IQCJ: variants seen among roughly 807,000 people sequenced by gnomAD.
The protein encoded by IQCJ is IQ domain-containing protein J.
Under a neutral mutation model 11.0 loss-of-function variants are expected in IQCJ, and 9 were observed. The observed-to-expected ratio is 0.82, with a 90% CI of 0.49 to 1.43. IQCJ has a LOEUF of 1.43. Among genes scored for constraint, IQCJ ranks in the 40% most tolerant of loss-of-function variants. The probability of loss-of-function intolerance (pLI) is 0.00; values close to 1 mark genes in which losing one functional copy is unlikely to be tolerated. For synonymous variants in IQCJ, 55 were observed against 51.3 expected, an observed-to-expected ratio of 1.07 and a Z score of -0.31; for missense variants, 146 against 133.2, an observed-to-expected ratio of 1.10 and a Z score of -0.47.
At chr3:159,157,260 C>G (rs947469707) in intron 1 of IQCJ, among the ~76,000 whole-genome samples, 1 of 152,196 alleles carries the variant, frequency 6.6e-6, no homozygotes, top group Non-Finnish European at 1.5e-5. Context: ...CATCTCCTCA[C>G]AAGTAATTGC....
At chr3:159,093,484 G>A (rs1163340424) in intron 1 of IQCJ, among the ~76,000 whole-genome samples, 1 of 151,734 alleles carries the variant, frequency 6.6e-6, no homozygotes, top group Non-Finnish European at 1.5e-5. Flanking sequence ...CCACTTTTGA[G>A]TGATGACCTC....
intron 1 of IQCJ, among the ~76,000 whole-genome samples, chr3:159,235,251 C>A (rs560537092): frequency 2.0e-5 from 3 of 152,254 alleles, no homozygotes; most frequent in Admixed American, 6.5e-5. Context: ...AGTTGTCCTG[C>A]TGTTAAGCTG....
intron 1 of IQCJ, among the ~76,000 whole-genome samples, chr3:159,122,788 C>T (rs546890618): frequency 1.5e-4 from 23 of 152,244 alleles, no homozygotes; most frequent in Admixed American, 6.5e-4. Context: ...ATTTGTCTTA[C>T]AGTCTTTGGG....
chr3:159,093,556 G>C (rs1021519041), intron 1 of IQCJ, among the ~76,000 whole-genome samples: 8 of 151,764 alleles, frequency 5.3e-5, no homozygotes, highest in African/African-American at 1.7e-4. Flanking sequence ...GAGCCTGGCA[G>C]GACAGGGTCT....
intron 1 of IQCJ, among the ~76,000 whole-genome samples, chr3:159,244,300 G>A (rs549604808): frequency 6.9e-4 from 105 of 152,274 alleles, no homozygotes; most frequent in African/African-American, 2.4e-3. Flanking sequence ...GCTGGGACTG[G>A]CAGCTGGCAT....
intron 1 of IQCJ, among the ~76,000 whole-genome samples, chr3:159,084,450 A>G (rs1716565767): frequency 6.6e-6 from 1 of 152,132 alleles, no homozygotes. Context: ...GAGCTTGCCC[A>G]GCGAGTGAGA....
At chr3:159,189,109 T>A (rs1233383765) in intron 1 of IQCJ, among the ~76,000 whole-genome samples, 2 of 152,096 alleles carry the variant, frequency 1.3e-5, no homozygotes, top group Admixed American at 6.6e-5. Context: ...GGCAGAACTT[T>A]GACATGATAG....
At position 159,228,802 on chromosome 3, in the gene IQCJ, CAA is replaced by C. The variant is rs10711050; in HGVS notation, c.10-17028_10-17027del. ...TGGGCGACAGAGCGAGACTCCGTCT[CAA>C]AAAAAAAAAAAAGTGATGGCCTGTT... On this transcript the variant is annotated intron_variant, in intron 1 of 3. Transcript: ENST00000397832. 3.1e-3 allele frequency among the ~76,000 whole-genome samples: 437 copies of C among 142,712 alleles called. 1 individual carries two copies. The highest frequency in any genetic ancestry group is 8.8e-3 in the African/African-American group (346 of 39,202). The allele number at this position is 142,712 out of a possible 152,430, so 93.6% of individuals were successfully genotyped here. A position where few individuals can be genotyped will look rare whatever the true frequency, so the allele number is the denominator to read the frequency against.
chr3:159,093,301 C>A (rs1382388688), intron 1 of IQCJ, among the ~76,000 whole-genome samples: 1 of 151,898 alleles, frequency 6.6e-6, no homozygotes, highest in African/African-American at 2.4e-5. Flanking sequence ...GAAAATGAAT[C>A]TACCTCAGTT....
At chr3:159,242,656 G>A (rs1449028) in intron 1 of IQCJ, among the ~76,000 whole-genome samples, 116,101 of 150,952 alleles carry the variant, frequency 0.77, 45,832 homozygotes, top group African/African-American at 0.93. Flanking sequence ...ATATGAAGAA[G>A]AATTGATCTC....
chr3:159,189,418 A>G (rs1341747031), intron 1 of IQCJ, among the ~76,000 whole-genome samples: 2 of 152,238 alleles, frequency 1.3e-5, no homozygotes, highest in African/African-American at 2.4e-5. Context: ...AACAGCCCCT[A>G]TAACCTTTAG....
chr3:159,209,109 A>G (rs1724810946), intron 1 of IQCJ, among the ~76,000 whole-genome samples: 1 of 152,112 alleles, frequency 6.6e-6, no homozygotes, highest in Admixed American at 6.5e-5. Flanking sequence ...GACCACCCTG[A>G]TCTGCCACAC....
chr3:159,224,470 A>T (rs1725727636), intron 1 of IQCJ, among the ~76,000 whole-genome samples: 1 of 152,168 alleles, frequency 6.6e-6, no homozygotes, highest in South Asian at 2.1e-4. Flanking sequence ...GAATAAGCAA[A>T]CAGTAGATAA....
intron 1 of IQCJ, among the ~76,000 whole-genome samples, chr3:159,176,256 A>T (rs1722786835): frequency 6.6e-6 from 1 of 151,894 alleles, no homozygotes; most frequent in Non-Finnish European, 1.5e-5. Context: ...TGTTTACAGT[A>T]CCTTTTTAAA....
rs1047063944 is a variant in IQCJ, at chr3:159,090,097, T to C, written c.9+20656T>C. On this transcript the variant is annotated intron_variant, in intron 1 of 3. Transcript: ENST00000397832. The stretch of plus-strand genomic sequence containing the variant: ...TGATGGTGATGTAAAGATGGGTTTT[T>C]GGTGTGGATGTCCTTTCTGTTTGTT... Among the ~76,000 whole-genome samples, 5 of 151,896 alleles carry C rather than the reference T, an allele frequency of 3.3e-5. No individual in the cohort carries two copies. In the East Asian group the frequency reaches 5.8e-4, roughly 18 times the overall value.
chr3:159,210,826 C>T (rs1436792817), intron 1 of IQCJ, among the ~76,000 whole-genome samples: 1 of 152,104 alleles, frequency 6.6e-6, no homozygotes, highest in Non-Finnish European at 1.5e-5. Flanking sequence ...TGTGCCACCA[C>T]ACCCCGCTAA....
intron 1 of IQCJ, among the ~76,000 whole-genome samples, chr3:159,231,313 G>A (rs1466694697): frequency 6.6e-6 from 1 of 152,174 alleles, no homozygotes; most frequent in Non-Finnish European, 1.5e-5. Context: ...CCAGACAGTA[G>A]AAATCTTTAT....
chr3:159,090,331 A>T (rs1717167448), intron 1 of IQCJ, among the ~76,000 whole-genome samples: 1 of 151,786 alleles, frequency 6.6e-6, no homozygotes, highest in African/African-American at 2.4e-5. Context: ...CTCTCTTCAA[A>T]GCTCAGATGG....
intron 3 of IQCJ, among the ~76,000 whole-genome samples, chr3:159,254,463 T>C (rs1727779184): frequency 6.6e-6 from 1 of 152,218 alleles, no homozygotes; most frequent in African/African-American, 2.4e-5. Flanking sequence ...CTAATAATTC[T>C]GAATCCCATT....
Sources: allele counts gnomAD v4.1 joint callset (sites outside exome capture counted in the v4.1 genomes callset), GRCh38; gene constraint gnomAD v4.1.1; transcripts MANE v1.5; gene names NCBI Gene and HGNC (gene_info 2026-07-23, HGNC 2026-07-21).